SOD1: variants seen among roughly 807,000 people sequenced by gnomAD.
SOD1 encodes the protein superoxide dismutase 1.
A neutral mutation model predicts 15.9 loss-of-function variants in SOD1; 8 were observed. The observed-to-expected ratio is 0.50, with a 90% confidence interval of 0.30 to 0.91. SOD1 has a LOEUF of 0.91. Ranked by LOEUF, SOD1 falls within the 40% of genes least tolerant of loss-of-function variation. The probability of loss-of-function intolerance (pLI) is 0.07; values close to 1 mark genes in which losing one functional copy is unlikely to be tolerated. For missense variants in SOD1, 137 were observed against 194.5 expected (o/e 0.70, Z 1.76); for synonymous variants, 86 against 71.2 (o/e 1.21, Z -1.04).
intron 1 of SOD1, 65 bp from the exon 2 acceptor site, chr21:31,663,725 G>A (rs2049568665): frequency 8.0e-7 from 1 of 1,247,350 alleles, no homozygotes; most frequent in Non-Finnish European, 1.2e-6. Flanking sequence ...CACTGTGAGG[G>A]GTAAAGGTAA....
In SOD1 at chr21:31,668,491, C is replaced by T. The variant is rs765931024; in HGVS notation, c.378C>T (p.Asp126=). The change falls in exon 5 of 5, where the codon GAC becomes GAT. Residue 126 remains aspartate (D), a synonymous_variant. Coordinates refer to ENST00000270142, the MANE Select transcript of SOD1 (RefSeq NM_000454.5). ...RTLVVHEKAD[D]LGKGGNEEST... is the part of the protein sequence containing the mutation. ...TACAGGTCCATGAAAAAGCAGATGA[C>T]TTGGGCAAAGGTGGAAATGAAGAAA... The T allele has an allele frequency of 3.7e-6, 6 of 1,613,734 alleles. No homozygotes were observed. Among genetic ancestry groups the T allele is most frequent in the African/African-American group, 2.7e-5 (2 of 74,886 alleles).
At chr21:31,667,431 C>CT in intron 4 of SOD1, 56 bp downstream of exon 4, 1 of 1,207,608 alleles carries the variant, frequency 8.3e-7, no homozygotes, top group Admixed American at 1.7e-5. Flanking sequence ...AGTCATGTAT[C>CT]TTTTCACTTT....
Position 31,666,538 on chromosome 21 carries a change from T to A in SOD1, c.239+20T>A. 6.4e-7 allele frequency: 1 copy of A among 1,556,578 alleles called. No individual in the cohort carries two copies. Among genetic ancestry groups the A allele is most frequent in the African/African-American group, 1.4e-5 (1 of 73,842 alleles). ...AGAGAGGTAACAAGATGCTTAACTC[T>A]TGTAATAATGGCGATAGCTTTCTGG... On this transcript the variant is annotated intron_variant, in intron 3 of 4. Coordinates refer to ENST00000270142, the MANE Select transcript of SOD1 (RefSeq NM_000454.5).
intron 2 of SOD1, chr21:31,664,202 G>T (rs1354823161): frequency 2.8e-6 from 1 of 356,052 alleles, no homozygotes; most frequent in Admixed American, 3.7e-5. Context: ...TGAACTGCTG[G>T]GCTCAAGTGG....
intron 2 of SOD1, 111 bp from the exon 3 acceptor site, chr21:31,666,338 T>TG (rs1417411053): frequency 1.3e-6 from 1 of 775,718 alleles, no homozygotes; most frequent in Non-Finnish European, 2.2e-6. Flanking sequence ...CCAGAAGTCG[T>TG]GATGCAGGTC....
chr21:31,664,216 A>G (rs147956006), intron 2 of SOD1: 16 of 340,544 alleles, frequency 4.7e-5, no homozygotes, highest in Non-Finnish European at 8.7e-5. Flanking sequence ...CAAGTGGTCT[A>G]TCCTCCTCGA....
At chr21:31,666,610 T>A in intron 3 of SOD1, 92 bp downstream of exon 3, 1 of 987,290 alleles carries the variant, frequency 1.0e-6, no homozygotes, top group Non-Finnish European at 1.6e-6. Flanking sequence ...GATAATTCCG[T>A]GTTTCCCCCA....
chr21:31,664,906 G>A (rs546186619), intron 2 of SOD1, among the ~76,000 whole-genome samples: 7 of 152,238 alleles, frequency 4.6e-5, no homozygotes, highest in Non-Finnish European at 7.4e-5. Context: ...ATGAGCCACC[G>A]CACCCAGCCA....
At chr21:31,668,272 G>T (rs934451725) in intron 4 of SOD1, among the ~76,000 whole-genome samples, 199 bp from the exon 5 acceptor site, 2 of 152,000 alleles carry the variant, frequency 1.3e-5, no homozygotes, top group African/African-American at 2.4e-5. Flanking sequence ...AATGTTTAAA[G>T]GTAATGTCTT....
At chr21:31,664,135 C>T (rs1377255246) in intron 2 of SOD1, among the ~76,000 whole-genome samples, 1 of 152,040 alleles carries the variant, frequency 6.6e-6, no homozygotes, top group Non-Finnish European at 1.5e-5. Flanking sequence ...CCACGCCTGG[C>T]TAATTTTTGT....
chr21:31,666,008 G>T (rs979058084), intron 2 of SOD1, among the ~76,000 whole-genome samples: 55 of 134,318 alleles, frequency 4.1e-4, no homozygotes, highest in Non-Finnish European at 2.0e-4. Flanking sequence ...GTCTTGCTCT[G>T]TTGCCCAGGC....
rs894847258 is a variant in SOD1, at chr21:31,659,718, G to A, written c.-52G>A. 7.6e-6 allele frequency: 12 copies of A among 1,575,656 alleles called. No homozygotes were observed. Among genetic ancestry groups the A allele is most frequent in the Non-Finnish European group, 1.0e-5 (12 of 1,145,546 alleles). On this transcript the variant is annotated 5_prime_UTR_variant, in exon 1 of 5. Transcript: ENST00000270142. Reference sequence around the variant, plus strand: ...GCGTCGTAGTCTCCTGCAGCGTCTGGGGTTTCCGTTGCAGTCCTCGGAACC... The same window carrying A: ...GCGTCGTAGTCTCCTGCAGCGTCTGAGGTTTCCGTTGCAGTCCTCGGAACC...
intron 1 of SOD1, chr21:31,660,408 A>G (rs1411675258): frequency 6.6e-6 from 1 of 152,218 alleles, no homozygotes; most frequent in African/African-American, 2.4e-5. Flanking sequence ...TTATATTTTT[A>G]AAAGGCTTTG....
In SOD1 at chr21:31,668,684, T is replaced by C. The variant is rs1275442076; in HGVS notation, c.*106T>C. ...AAACACTGTAATCTTAAAAGTGTAA[T>C]TGTGTGACTTTTTCAGAGTTGCTTT... is the stretch of plus-strand genomic sequence containing the variant. On this transcript the variant is annotated 3_prime_UTR_variant, in exon 5 of 5. Coordinates refer to ENST00000270142, the MANE Select transcript of SOD1 (RefSeq NM_000454.5). 2 of 884,864 alleles carry C rather than the reference T, an allele frequency of 2.3e-6. No homozygotes were observed. The highest frequency in any genetic ancestry group is 1.9e-6 in the Non-Finnish European group (1 of 536,080). The allele number at this position is 884,864 out of a possible 1,614,324, so 54.8% of individuals were successfully genotyped here. A position where few individuals can be genotyped will look rare whatever the true frequency, so the allele number is the denominator to read the frequency against.
intron 2 of SOD1, among the ~76,000 whole-genome samples, chr21:31,665,437 T>G (rs375052386): frequency 6.6e-6 from 1 of 152,206 alleles, no homozygotes; most frequent in East Asian, 1.9e-4. Flanking sequence ...TTTCTGTAAT[T>G]GCTGAAATTC....
chr21:31,664,669 A>T (rs959582868), intron 2 of SOD1, among the ~76,000 whole-genome samples: 9 of 152,034 alleles, frequency 5.9e-5, no homozygotes, highest in African/African-American at 1.9e-4. Context: ...CCCAGGCTGG[A>T]GTGCAGTGGC....
intron 4 of SOD1, among the ~76,000 whole-genome samples, chr21:31,667,822 G>A (rs2123436160): frequency 6.6e-6 from 1 of 152,240 alleles, no homozygotes. Context: ...AAGTTATCCT[G>A]GGGAACTGCA....
At chr21:31,667,850 A>C (rs949803510) in intron 4 of SOD1, among the ~76,000 whole-genome samples, 3 of 152,208 alleles carry the variant, frequency 2.0e-5, no homozygotes, top group Admixed American at 6.5e-5. Flanking sequence ...CTTGCAAAAC[A>C]CCAAGTAGAC....
Position 31,667,380 on chromosome 21 carries a change from G to A in SOD1, c.357+5G>A, listed in dbSNP as rs1380051856. ...ATCATTGGCCGCACACTGGTGGTAAGTTTTCATAAAAGGATATGCATAAAA... is the reference window on the plus strand; with the variant it reads ...ATCATTGGCCGCACACTGGTGGTAAATTTTCATAAAAGGATATGCATAAAA... On this transcript the variant is annotated splice_donor_5th_base_variant and intron_variant, in intron 4 of 4. Transcript: ENST00000270142. 3 of 1,595,158 alleles carry A rather than the reference G, an allele frequency of 1.9e-6. No individual in the cohort carries two copies. Among genetic ancestry groups the A allele is most frequent in the Non-Finnish European group, 2.6e-6 (3 of 1,162,648 alleles).
Sources: gnomAD v4.1 joint callset for allele counts (sites outside exome capture counted in the v4.1 genomes callset) on GRCh38, gnomAD v4.1.1 for gene constraint, MANE v1.5 for transcripts, NCBI Gene and HGNC (gene_info 2026-07-23, HGNC 2026-07-21) for gene names.